ADAM23: variants seen among roughly 807,000 people sequenced by gnomAD.
ADAM23 encodes ADAM metallopeptidase domain 23.
In ADAM23, 33 loss-of-function variants were observed where a neutral mutation model predicts 120.1. That is an observed-to-expected ratio of 0.27 (90% CI 0.21 to 0.37). ADAM23 has a LOEUF of 0.37. Ranked by LOEUF, ADAM23 falls within the 10% of genes least tolerant of loss-of-function variation. The pLI is 1.00. For synonymous variants in ADAM23, 367 were observed against 375.2 expected (o/e 0.98, Z 0.25); for missense variants, 862 against 1,058.2 (o/e 0.81, Z 2.57).
At chr2:206,459,530 T>TA (rs1695369802) in intron 2 of ADAM23, among the ~76,000 whole-genome samples, 1 of 152,240 alleles carries the variant, frequency 6.6e-6, no homozygotes, top group African/African-American at 2.4e-5. Context: ...CGTAATGTGT[T>TA]AAACATTTAT....
intron 2 of ADAM23, among the ~76,000 whole-genome samples, chr2:206,464,731 T>G (rs967992184): frequency 6.6e-6 from 1 of 152,070 alleles, no homozygotes; most frequent in African/African-American, 2.4e-5. Flanking sequence ...ATAGGACATT[T>G]GGCAGTGTCT....
intron 24 of ADAM23, chr2:206,605,940 C>A: frequency 1.6e-6 from 1 of 606,306 alleles, no homozygotes; most frequent in South Asian, 2.0e-5. Context: ...TGAGGCGATG[C>A]CTGTACCTGA....
intron 4 of ADAM23, among the ~76,000 whole-genome samples, chr2:206,536,403 G>A (rs1328614848): frequency 7.1e-6 from 1 of 139,876 alleles, no homozygotes; most frequent in Non-Finnish European, 1.5e-5. Context: ...CAACCTTATA[G>A]AACAGTGGTT....
intron 3 of ADAM23, among the ~76,000 whole-genome samples, chr2:206,493,505 T>C (rs1457866930): frequency 6.6e-6 from 1 of 152,198 alleles, no homozygotes; most frequent in East Asian, 1.9e-4. Context: ...CCCAGGTAGC[T>C]GGGATTACAG....
chr2:206,512,204 T>G (rs1483104002), intron 3 of ADAM23, among the ~76,000 whole-genome samples: 1 of 152,230 alleles, frequency 6.6e-6, no homozygotes, highest in Non-Finnish European at 1.5e-5. Context: ...GGTTTAAAAA[T>G]TAGAATTACT....
At chr2:206,523,399 T>C (rs972333933) in intron 3 of ADAM23, among the ~76,000 whole-genome samples, 1 of 152,212 alleles carries the variant, frequency 6.6e-6, no homozygotes, top group African/African-American at 2.4e-5. Flanking sequence ...TACCAGCCCT[T>C]GCCGGGCATG....
At chr2:206,580,426 AG>A (rs1403565385) in intron 18 of ADAM23, among the ~76,000 whole-genome samples, 3 of 152,172 alleles carry the variant, frequency 2.0e-5, no homozygotes, top group African/African-American at 7.2e-5. Flanking sequence ...TTAATGATAA[AG>A]GGATGCTGGA....
At position 206,620,381 on chromosome 2, in the gene ADAM23, G is replaced by A. The variant is rs765410498; in HGVS notation, c.*2754G>A. On this transcript the variant is annotated 3_prime_UTR_variant, in exon 26 of 26. Transcript: ENST00000264377. ...AAAATACACAAGCTTTAAGCTATGT[G>A]TGTATGAATATGAAAGTTAATGCAA... 12 of 152,146 alleles carry A rather than the reference G, an allele frequency of 7.9e-5. No individual in the cohort carries two copies. The highest frequency in any genetic ancestry group is 1.5e-4 in the Non-Finnish European group (10 of 68,028). 9.4% of individuals were successfully genotyped at this position (152,146 alleles called of 1,614,324 possible).
intron 18 of ADAM23, among the ~76,000 whole-genome samples, chr2:206,579,381 T>G (rs1385366491): frequency 6.6e-6 from 1 of 152,234 alleles, no homozygotes; most frequent in Non-Finnish European, 1.5e-5. Flanking sequence ...TAGGTTTAAG[T>G]CCTTAATCCA....
chr2:206,465,292 A>C (rs748386039), intron 2 of ADAM23, among the ~76,000 whole-genome samples: 5 of 152,112 alleles, frequency 3.3e-5, no homozygotes, highest in Non-Finnish European at 5.9e-5. Flanking sequence ...CTCTGGCCTC[A>C]GCCTCCCGAA....
intron 3 of ADAM23, among the ~76,000 whole-genome samples, chr2:206,526,141 TACACACACACACACACACACACACAC>T (rs59684611): frequency 6.9e-6 from 1 of 145,682 alleles, no homozygotes; most frequent in Non-Finnish European, 1.5e-5. Context: ...TTCCAACAAA[TACACACACACACACACACACACACAC>T]ACACACACAC....
intron 4 of ADAM23, among the ~76,000 whole-genome samples, chr2:206,539,584 G>T (rs548610439): frequency 1.2e-4 from 19 of 152,276 alleles, no homozygotes; most frequent in Non-Finnish European, 2.4e-4. Context: ...TCACTGTGAG[G>T]TAATGGTTGT....
In ADAM23 at chr2:206,561,149, G is replaced by A; in HGVS notation, c.1191G>A (p.Lys397=). 6.2e-7 allele frequency: 1 copy of A among 1,614,016 alleles called. No homozygotes were observed. The change falls in exon 12 of 26, where the codon AAG becomes AAA. Residue 397 remains lysine (K), a synonymous_variant. Coordinates refer to ENST00000264377, the MANE Select transcript of ADAM23 (RefSeq NM_003812.4). ...TAAGGCGGGTGACATTTCACTATAA[G>A]AGAAGCAGTCTGAGTTACTTTGGAG... ...HLISRVTFHY[K]RSSLSYFGGV...
intron 18 of ADAM23, among the ~76,000 whole-genome samples, chr2:206,583,433 G>A (rs1156353540): frequency 3.4e-5 from 5 of 147,240 alleles, no homozygotes; most frequent in Non-Finnish European, 7.4e-5. Flanking sequence ...TGGCCTGGGC[G>A]AAAGAGCGAG....
chr2:206,539,859 A>G (rs990275056), intron 4 of ADAM23, among the ~76,000 whole-genome samples: 6 of 152,232 alleles, frequency 3.9e-5, no homozygotes, highest in Admixed American at 6.5e-5. Context: ...TAATAAAAAA[A>G]TCAGAAAATC....
At position 206,445,371 on chromosome 2, in the gene ADAM23, G is replaced by T; in HGVS notation, c.279G>T (p.Leu93Phe). 2.5e-6 allele frequency: 4 copies of T among 1,613,946 alleles called. No homozygotes were observed. Among genetic ancestry groups the T allele is most frequent in the Non-Finnish European group, 1.7e-6 (2 of 1,179,944 alleles). The change falls in exon 2 of 26, where the codon TTG becomes TTT. Residue 93 changes from leucine (L) to phenylalanine (F), a missense_variant. By Grantham distance (22) the Leu-to-Phe change is conservative. Coordinates refer to ENST00000264377, the MANE Select transcript of ADAM23 (RefSeq NM_003812.4). Reference sequence around the variant, plus strand: ...TCCTGGCAGATGAAGACAATACATTGCAACAGAATAGCAGCAGTAATATCA... The same window carrying T: ...TCCTGGCAGATGAAGACAATACATTTCAACAGAATAGCAGCAGTAATATCA... ...LGVLADEDNT[L>F]QQNSSSNISY...
intron 11 of ADAM23, 36 bp downstream of exon 11, chr2:206,560,154 G>A (rs770597877): frequency 1.1e-5 from 18 of 1,584,988 alleles, no homozygotes; most frequent in Admixed American, 1.7e-5. Flanking sequence ...GTAGTCTTTG[G>A]TCTGACATTT....
chr2:206,578,148 TTA>T (rs1267480953), intron 18 of ADAM23, among the ~76,000 whole-genome samples: 2 of 150,566 alleles, frequency 1.3e-5, no homozygotes, highest in Non-Finnish European at 3.0e-5. Flanking sequence ...TGCTTTTGCA[TTA>T]CTGTTGACTG....
intron 24 of ADAM23, chr2:206,606,821 C>T (rs1214468679): frequency 1.3e-5 from 2 of 152,088 alleles, no homozygotes; most frequent in African/African-American, 2.4e-5. Flanking sequence ...AGACATAACC[C>T]TTTACACAGT....
Sources: gnomAD v4.1 joint callset for allele counts (sites outside exome capture counted in the v4.1 genomes callset) on GRCh38, gnomAD v4.1.1 for gene constraint, MANE v1.5 for transcripts, NCBI Gene and HGNC (gene_info 2026-07-23, HGNC 2026-07-21) for gene names.